The following TPMT variants were observed in gnomAD, a reference collection of about 807,000 sequenced individuals.
TPMT encodes thiopurine S-methyltransferase.
In TPMT, 18 loss-of-function variants were observed where a neutral mutation model predicts 34.2. The ratio of observed to expected loss-of-function variants is 0.53; its 90% CI spans 0.36 to 0.78. The LOEUF (loss-of-function observed/expected upper bound fraction) is 0.78, where lower values mean the gene tolerates loss of function less well. Ranked by LOEUF, TPMT falls within the 30% of genes least tolerant of loss-of-function variation. The pLI is 0.00. For synonymous variants in TPMT, 69 were observed against 92.4 expected, an observed-to-expected ratio of 0.75 and a Z score of 1.45; for missense variants, 265 against 288.1, an observed-to-expected ratio of 0.92 and a Z score of 0.58.
Position 18,133,122 on chromosome 6 carries a change from T to C in TPMT, c.580+682A>G, listed in dbSNP as rs1187802663. 3.3e-5 allele frequency among the ~76,000 whole-genome samples: 5 copies of C among 151,876 alleles called. No individual in the cohort carries two copies. The East Asian group carries it at 9.6e-4, about 29-fold the overall frequency. On this transcript the variant is annotated intron_variant, in intron 7 of 8. Coordinates refer to ENST00000309983, the MANE Select transcript of TPMT (RefSeq NM_000367.5). ...ACAAAACAAAACAAAAAAACCAAAA[T>C]ACTAACATATGTAAATATTTACAAA...
chr6:18,151,080 G>A (rs901279521), intron 1 of TPMT, among the ~76,000 whole-genome samples: 1 of 151,706 alleles, frequency 6.6e-6, no homozygotes, highest in African/African-American at 2.4e-5. Flanking sequence ...CTTCTGACCC[G>A]GTATGGTAAA....
chr6:18,141,903 C>G (rs962822860), intron 4 of TPMT, among the ~76,000 whole-genome samples: 2 of 152,290 alleles, frequency 1.3e-5, no homozygotes, highest in East Asian at 3.9e-4. Context: ...CAATCATGTT[C>G]AAAATGGTGG....
intron 4 of TPMT, among the ~76,000 whole-genome samples, chr6:18,141,965 T>G (rs1336589236): frequency 6.6e-6 from 1 of 152,112 alleles, no homozygotes; most frequent in African/African-American, 2.4e-5. Context: ...GCAGACAACA[T>G]GGTGCCAGCG....
At position 18,138,264 on chromosome 6, in the gene TPMT, GTT is replaced by G. The variant is rs11341076; in HGVS notation, c.494+697_494+698del. Among the ~76,000 whole-genome samples the G allele has an allele frequency of 6.3e-4, 88 of 140,534 alleles. No individual in the cohort carries two copies. Among genetic ancestry groups the G allele is most frequent in the Admixed American group, 8.5e-4 (12 of 14,112 alleles). The allele number at this position is 140,534 out of a possible 152,430, so 92.2% of individuals were successfully genotyped here. On this transcript the variant is annotated intron_variant, in intron 6 of 8. Coordinates refer to ENST00000309983, the MANE Select transcript of TPMT (RefSeq NM_000367.5). This position sits in a 1 kb window ranked among gnomAD's most constrained non-coding sequence, Gnocchi z 4.1. ...CCACATGAAATATTTTGATTTTTTT[GTT>G]TTTTTTTTTTTTTAAATATTTTACA...
chr6:18,137,736 C>T (rs1436425658), intron 6 of TPMT, among the ~76,000 whole-genome samples: 1 of 152,172 alleles, frequency 6.6e-6, no homozygotes, highest in Non-Finnish European at 1.5e-5. Context: ...TCAATTCCCA[C>T]AAAAATCCTT....
Position 18,143,447 on chromosome 6 carries a change from C to A in TPMT, c.366+149G>T. 9.7e-7 allele frequency: 1 copy of A among 1,029,150 alleles called. No homozygotes were observed. Among genetic ancestry groups the A allele is most frequent in the Non-Finnish European group, 1.4e-6 (1 of 696,040 alleles). 63.8% of individuals were successfully genotyped at this position (1,029,150 alleles called of 1,614,324 possible). A position where few individuals can be genotyped will look rare whatever the true frequency, so the allele number is the denominator to read the frequency against. On this transcript the variant is annotated intron_variant, in intron 4 of 8. Coordinates refer to ENST00000309983, the MANE Select transcript of TPMT (RefSeq NM_000367.5). The surrounding 1 kb of genome is among the most constrained non-coding windows in gnomAD (Gnocchi z 6.1). Reference sequence around the variant, plus strand: ...GTAGCTATCACCTATATTTTTAAGCCCTTGCTTCTTATACTATATAGTATC... The same window carrying A: ...GTAGCTATCACCTATATTTTTAAGCACTTGCTTCTTATACTATATAGTATC...
chr6:18,152,327 A>G (rs1784367113), intron 1 of TPMT, among the ~76,000 whole-genome samples: 1 of 152,084 alleles, frequency 6.6e-6, no homozygotes, highest in Non-Finnish European at 1.5e-5. Flanking sequence ...TGTCCTGGCT[A>G]TCCTAGTACT....
At position 18,147,906 on chromosome 6, in the gene TPMT, C is replaced by G; in HGVS notation, c.150G>C (p.Lys50Asn). 6.2e-7 allele frequency: 1 copy of G among 1,611,960 alleles called. No homozygotes were observed. Among genetic ancestry groups the G allele is most frequent in the South Asian group, 1.1e-5 (1 of 90,920 alleles). Residue 50 changes from lysine to asparagine, a missense_variant, in exon 3 of 9, where the codon AAG (lysine) becomes AAC (asparagine). Coordinates refer to ENST00000309983, the MANE Select transcript of TPMT (RefSeq NM_000367.5). ...CTTTAAGGAAAGTATCTAAATGCTT[C>G]TTTAATAGCCTGAAGAGGAAAAAAA... The part of the protein sequence containing the change: ...FHQEQGHQLL[K>N]KHLDTFLKGK...
chr6:18,145,163 A>G lies in TPMT; in HGVS notation c.234-1435T>C, dbSNP rs1784225996. On this transcript the variant is annotated intron_variant, in intron 3 of 8. Transcript: ENST00000309983. This position sits in a 1 kb window ranked among gnomAD's most constrained non-coding sequence, Gnocchi z 5.6. The stretch of plus-strand genomic sequence containing the variant: ...ACAAGTGCCTTCCTAAAATCACTGC[A>G]CTATGCTAAATCACGCACTAAAAAT... 6.6e-6 allele frequency among the ~76,000 whole-genome samples: 1 copy of G among 152,330 alleles called. No homozygotes were observed. The highest frequency in any genetic ancestry group is 3.4e-3 in the Middle Eastern group (1 of 294).
Position 18,153,949 on chromosome 6 carries a change from GTCTC to G in TPMT, c.-45+1080_-45+1083del, listed in dbSNP as rs886197506. On this transcript the variant is annotated intron_variant, in intron 1 of 8. Transcript: ENST00000309983. The surrounding 1 kb of genome is among the most constrained non-coding windows in gnomAD (Gnocchi z 4.2). ...CTTAGTTGTTTGTTTTTGAGACAGG[GTCTC>G]TCTCTATCCCCCAGGCTGGAGTGCA... is the stretch of plus-strand genomic sequence containing the variant. 2.6e-5 allele frequency among the ~76,000 whole-genome samples: 4 copies of G among 152,118 alleles called. No homozygotes were observed. Among genetic ancestry groups the G allele is most frequent in the African/African-American group, 7.2e-5 (3 of 41,432 alleles).
chr6:18,147,348 A>G (rs1784267358), intron 3 of TPMT, among the ~76,000 whole-genome samples: 1 of 152,244 alleles, frequency 6.6e-6, no homozygotes, highest in Non-Finnish European at 1.5e-5. Context: ...TTTTATAACA[A>G]TGATTCACGA....
rs943781391 is a variant in TPMT at position 18,136,086 on chromosome 6, G to A, written c.495-2197C>T. Among the ~76,000 whole-genome samples, 4 of 152,168 alleles carry A rather than the reference G, an allele frequency of 2.6e-5. No homozygotes were observed. The highest frequency in any genetic ancestry group is 7.2e-5 in the African/African-American group (3 of 41,436). On this transcript the variant is annotated intron_variant, in intron 6 of 8. Transcript: ENST00000309983. The surrounding 1 kb of genome is among the most constrained non-coding windows in gnomAD (Gnocchi z 4.7). ...TGCTGGGTCCGCTCTTGGTCTGCAC[G>A]TGGTGACTTTTAGTTTGCTTCCCAC...
Position 18,139,775 on chromosome 6 carries a change from G to T in TPMT, c.367-58C>A. 16 of 1,214,902 alleles carry T rather than the reference G, an allele frequency of 1.3e-5. No individual in the cohort carries two copies. Among genetic ancestry groups the T allele is most frequent in the Non-Finnish European group, 1.2e-5 (10 of 839,368 alleles). 75.3% of individuals were successfully genotyped at this position (1,214,902 alleles called of 1,614,324 possible). ...TTTTTACTTAGTAAGTACTTGAATA[G>T]TCAAGGAAAGAGGGCCAAGCAAAGC... On this transcript the variant is annotated intron_variant, in intron 4 of 8. Transcript: ENST00000309983. This position sits in a 1 kb window ranked among gnomAD's most constrained non-coding sequence, Gnocchi z 4.2.
Position 18,149,094 on chromosome 6 carries a change from C to A in TPMT, c.34G>T (p.Glu12Ter). 1 of 1,614,062 alleles carries A rather than the reference C, an allele frequency of 6.2e-7. No individual in the cohort carries two copies. The highest frequency in any genetic ancestry group is 8.5e-7 in the Non-Finnish European group (1 of 1,180,010). Residue 12 changes from glutamate to a stop codon, truncating the protein, a stop_gained, in exon 2 of 9, where the codon GAG becomes TAG. Transcript: ENST00000309983. LOFTEE classifies it high-confidence loss of function. This position sits in a 1 kb window ranked among gnomAD's most constrained non-coding sequence, Gnocchi z 5.0. The stretch of plus-strand genomic sequence containing the variant: ...TTCTGTACCTCAGTATCCGAGTACT[C>A]TTCAATGTCAAGTGAAGTTCTTGTA... ...DGTRTSLDIE[E>*]YSDTEVQKNQ...
Position 18,133,926 on chromosome 6 carries a change from C to T in TPMT, c.495-37G>A, listed in dbSNP as rs752674542. 6 of 1,566,114 alleles carry T rather than the reference C, an allele frequency of 3.8e-6. 1 individual carries two copies. The highest frequency in any genetic ancestry group is 5.3e-6 in the Non-Finnish European group (6 of 1,136,926). ...ACAAGAAGGTATTTGTTACATTTCT[C>T]TACACAGGCAAAGGCTGGAGGGACA... On this transcript the variant is annotated intron_variant, in intron 6 of 8. Transcript: ENST00000309983.
rs745911990 is a variant in TPMT, at chr6:18,148,035, T to C, written c.141-120A>G. The C allele has an allele frequency of 5.1e-6, 4 of 777,260 alleles. No homozygotes were observed. Among genetic ancestry groups the C allele is most frequent in the Non-Finnish European group, 6.5e-6 (3 of 463,116 alleles). The allele number at this position is 777,260 out of a possible 1,614,324, so 48.1% of individuals were successfully genotyped here. ...AAGCAGTTACTATTAATTATTATAA[T>C]CTCCAGCTTACATATGAAGAAACAG... On this transcript the variant is annotated intron_variant, in intron 2 of 8. Transcript: ENST00000309983. This position sits in a 1 kb window ranked among gnomAD's most constrained non-coding sequence, Gnocchi z 4.1.
chr6:18,153,854 T>C lies in TPMT; in HGVS notation c.-45+1179A>G, dbSNP rs1443691217. 6.6e-6 allele frequency among the ~76,000 whole-genome samples: 1 copy of C among 152,184 alleles called. No homozygotes were observed. The highest frequency in any genetic ancestry group is 1.5e-5 in the Non-Finnish European group (1 of 68,032). On this transcript the variant is annotated intron_variant, in intron 1 of 8. Transcript: ENST00000309983. The surrounding 1 kb of genome is among the most constrained non-coding windows in gnomAD (Gnocchi z 4.2). ...ATCAGAGTTCCACAGCAGCCTGGAG[T>C]AGCACAACTCTATTCCTTTCACACA...
At position 18,148,848 on chromosome 6, in the gene TPMT, T is replaced by C; in HGVS notation, c.140+140A>G. 2.4e-6 allele frequency: 3 copies of C among 1,247,256 alleles called. No homozygotes were observed. The South Asian group carries it at 3.8e-5, about 16-fold the overall frequency. 77.3% of individuals were successfully genotyped at this position (1,247,256 alleles called of 1,614,324 possible). ...AAACTACATCATGCCACAGATGCAC[T>C]GTGACTCGGGAGACACAAAAATGTG... is the stretch of plus-strand genomic sequence containing the variant. On this transcript the variant is annotated intron_variant, in intron 2 of 8. Transcript: ENST00000309983. This position sits in a 1 kb window ranked among gnomAD's most constrained non-coding sequence, Gnocchi z 4.1.
At position 18,149,030 on chromosome 6, in the gene TPMT, C is replaced by A; in HGVS notation, c.98G>T (p.Trp33Leu). Reference protein sequence around the residue: ...VLTLEEWQDKWVNGKTAFHQE... With the variant: ...VLTLEEWQDKLVNGKTAFHQE... ...ATGAAAAGCAGTCTTGCCGTTCACC[C>A]ACTTGTCTTGCCATTCTTCCAGAGT... The change falls in exon 2 of 9, where the codon TGG becomes TTG. Residue 33 changes from tryptophan to leucine, a missense_variant. Transcript: ENST00000309983. The surrounding 1 kb of genome is among the most constrained non-coding windows in gnomAD (Gnocchi z 5.0). 6.2e-7 allele frequency: 1 copy of A among 1,614,098 alleles called. No homozygotes were observed. Among genetic ancestry groups the A allele is most frequent in the Non-Finnish European group, 8.5e-7 (1 of 1,179,996 alleles).
Sources: allele counts gnomAD v4.1 joint callset (sites outside exome capture counted in the v4.1 genomes callset), GRCh38; gene constraint gnomAD v4.1.1; non-coding constraint Gnocchi (gnomAD v3.1); transcripts MANE v1.5; gene names NCBI Gene and HGNC (gene_info 2026-07-23, HGNC 2026-07-21).